Variants in ASCC3 observed in about 807,000 individuals in gnomAD.
The protein encoded by ASCC3 is ASC-1 complex subunit P200.
Under a neutral mutation model 256.3 loss-of-function variants are expected in ASCC3, and 158 were observed. That is an observed-to-expected ratio of 0.62 (90% CI 0.54 to 0.70). The LOEUF is 0.70. ASCC3 is among the 30% of genes least tolerant of loss of function. The pLI is 0.00. For synonymous variants in ASCC3, 948 were observed against 883.4 expected, an observed-to-expected ratio of 1.07 and a Z score of -1.30; for missense variants, 2,259 against 2,626.0, an observed-to-expected ratio of 0.86 and a Z score of 3.05.
At chr6:100,528,222 G>T (rs752746695) in intron 37 of ASCC3, among the ~76,000 whole-genome samples, 2 of 152,042 alleles carry the variant, frequency 1.3e-5, no homozygotes, top group Non-Finnish European at 2.9e-5. Context: ...GTGAATTATA[G>T]GAAAAATATA....
intron 8 of ASCC3, among the ~76,000 whole-genome samples, chr6:100,787,943 C>T (rs554461270): frequency 6.6e-6 from 1 of 150,992 alleles, no homozygotes; most frequent in Admixed American, 6.6e-5. Flanking sequence ...TTACATATGA[C>T]CAAAAAGCAT....
chr6:100,618,874 C>A (rs1035670152), intron 30 of ASCC3, among the ~76,000 whole-genome samples: 2 of 152,124 alleles, frequency 1.3e-5, no homozygotes, highest in Non-Finnish European at 2.9e-5. Context: ...TACATCATGA[C>A]GATACCCTGT....
intron 10 of ASCC3, among the ~76,000 whole-genome samples, chr6:100,738,306 T>G (rs1197082124): frequency 6.6e-6 from 1 of 152,236 alleles, no homozygotes; most frequent in Admixed American, 6.5e-5. Context: ...GCCTATGTCC[T>G]CAGTGGTACT....
intron 14 of ASCC3, among the ~76,000 whole-genome samples, chr6:100,662,943 C>T (rs576732337): frequency 6.6e-6 from 1 of 152,164 alleles, no homozygotes; most frequent in South Asian, 2.1e-4. Flanking sequence ...TCAATCTCAT[C>T]CCCTTACCTC....
intron 10 of ASCC3, among the ~76,000 whole-genome samples, chr6:100,748,085 A>G (rs1188077317): frequency 1.3e-5 from 2 of 152,094 alleles, no homozygotes; most frequent in African/African-American, 4.8e-5. Flanking sequence ...TCTAGGATCA[A>G]TTCTATAGAT....
rs1343597749 is a variant in ASCC3 at position 100,510,038 on chromosome 6, A to T, written c.6355T>A (p.Leu2119Ile). The T allele has an allele frequency of 1.2e-6, 2 of 1,614,182 alleles. No individual in the cohort carries two copies. Among genetic ancestry groups the T allele is most frequent in the Admixed American group, 3.3e-5 (2 of 60,030 alleles). ...KSKDEGWFLI[L>I]GEVDKRELIA... Reference sequence around the variant, plus strand: ...AGTTCTCTCTTATCCACTTCTCCTAATATCAAAAACCATCCTTCGTCTTTT... The same window carrying T: ...AGTTCTCTCTTATCCACTTCTCCTATTATCAAAAACCATCCTTCGTCTTTT... The change falls in exon 41 of 42, where the codon TTA becomes ATA. Residue 2119 changes from leucine (L) to isoleucine (I), a missense_variant. Physicochemically the swap from Leu to Ile is conservative, Grantham distance 5. Coordinates refer to ENST00000369162, the MANE Select transcript of ASCC3 (RefSeq NM_006828.4).
At chr6:100,631,675 A>G (rs958395533) in intron 25 of ASCC3, among the ~76,000 whole-genome samples, 32 of 152,056 alleles carry the variant, frequency 2.1e-4, no homozygotes, top group African/African-American at 7.2e-4. Flanking sequence ...GAAGTTTTGA[A>G]GAGAAATAAA....
intron 4 of ASCC3, among the ~76,000 whole-genome samples, chr6:100,812,758 C>T (rs535725085): frequency 4.6e-5 from 7 of 151,834 alleles, no homozygotes; most frequent in East Asian, 3.9e-4. Context: ...AGCAAGACTC[C>T]GTCTCTCCAA....
intron 37 of ASCC3, chr6:100,530,826 T>G (rs1774834038): frequency 8.1e-7 from 1 of 1,231,872 alleles, no homozygotes; most frequent in African/African-American, 1.5e-5. Context: ...CTACTGGAAC[T>G]TAGTGCTTAA....
Position 100,844,585 on chromosome 6 carries a change from G to C in ASCC3, c.801+3563C>G, listed in dbSNP as rs1772303048. 2.0e-5 allele frequency among the ~76,000 whole-genome samples: 3 copies of C among 151,994 alleles called. No homozygotes were observed. The South Asian group carries it at 6.2e-4, about 32-fold the overall frequency. ...AATATTCAAGTCTTATTCACTTCCGGGTGTTAAAATGCACTTCTAAAAGTG... is the reference window on the plus strand; with the variant it reads ...AATATTCAAGTCTTATTCACTTCCGCGTGTTAAAATGCACTTCTAAAAGTG... On this transcript the variant is annotated intron_variant, in intron 4 of 41. Transcript: ENST00000369162.
intron 36 of ASCC3, among the ~76,000 whole-genome samples, chr6:100,570,880 A>C (rs1332515890): frequency 6.6e-6 from 1 of 152,172 alleles, no homozygotes; most frequent in Non-Finnish European, 1.5e-5. Context: ...CTATTGGCTC[A>C]ACCTTTAAAA....
intron 24 of ASCC3, 47 bp from the exon 25 acceptor site, chr6:100,638,868 A>G (rs1774976417): frequency 3.7e-6 from 5 of 1,346,530 alleles, no homozygotes; most frequent in Non-Finnish European, 4.3e-6. Flanking sequence ...AAAAACACGC[A>G]TAATACTGAA....
intron 36 of ASCC3, among the ~76,000 whole-genome samples, chr6:100,568,706 T>C (rs1770406925): frequency 6.6e-6 from 1 of 150,672 alleles, no homozygotes; most frequent in East Asian, 1.9e-4. Flanking sequence ...TAAGTCTCAC[T>C]TGTCAATTTG....
intron 33 of ASCC3, among the ~76,000 whole-genome samples, chr6:100,602,405 T>A (rs181452115): frequency 3.2e-4 from 48 of 152,146 alleles, no homozygotes; most frequent in African/African-American, 1.1e-3. Flanking sequence ...ATGGCACTTA[T>A]CACTACCAAT....
chr6:100,710,397 C>T (rs572227671), intron 13 of ASCC3, among the ~76,000 whole-genome samples: 2 of 152,304 alleles, frequency 1.3e-5, no homozygotes, highest in African/African-American at 4.8e-5. Context: ...CCATCCAAGT[C>T]TATCCTTTCT....
intron 10 of ASCC3, among the ~76,000 whole-genome samples, chr6:100,744,889 G>T (rs1465221738): frequency 6.6e-6 from 1 of 152,210 alleles, no homozygotes; most frequent in Non-Finnish European, 1.5e-5. Context: ...TCAAGAATCA[G>T]GAAAGCATGA....
rs1351801431 is a variant in ASCC3 at position 100,625,351 on chromosome 6, G to A, written c.4643-17C>T. 2.9e-5 allele frequency: 47 copies of A among 1,611,342 alleles called. No homozygotes were observed. The highest frequency in any genetic ancestry group is 4.0e-5 in the Non-Finnish European group (47 of 1,178,038). ...TTCTAATTGCTGTTGAAAAGTTGTG[G>A]GAAATAAAATGGAAAGATACTTAAC... On this transcript the variant is annotated splice_polypyrimidine_tract_variant and intron_variant, in intron 29 of 41. Coordinates refer to ENST00000369162, the MANE Select transcript of ASCC3 (RefSeq NM_006828.4).
chr6:100,802,844 A>T (rs896053836), intron 5 of ASCC3, among the ~76,000 whole-genome samples: 1 of 151,790 alleles, frequency 6.6e-6, no homozygotes, highest in African/African-American at 2.4e-5. Context: ...TATAAAAAAA[A>T]AATTTTTTTT....
chr6:100,806,359 A>C (rs1056955886), intron 4 of ASCC3, among the ~76,000 whole-genome samples: 1 of 151,998 alleles, frequency 6.6e-6, no homozygotes, highest in East Asian at 1.9e-4. Context: ...ATGCTAAATA[A>C]GTCTGAAATC....
Sources: allele counts gnomAD v4.1 joint callset (sites outside exome capture counted in the v4.1 genomes callset), GRCh38; gene constraint gnomAD v4.1.1; transcripts MANE v1.5; gene names NCBI Gene and HGNC (gene_info 2026-07-23, HGNC 2026-07-21).